ASPH: variants seen among roughly 807,000 people sequenced by gnomAD.
The protein encoded by ASPH is aspartyl/asparaginyl beta-hydroxylase.
A neutral mutation model predicts 118.4 loss-of-function variants in ASPH; 100 were observed. The observed-to-expected ratio is 0.84, with a 90% CI of 0.72 to 1.00. The LOEUF is 1.00. Ranked by LOEUF, ASPH falls within the 50% of genes least tolerant of loss-of-function variation. ASPH has a pLI of 0.00. For synonymous variants in ASPH, 315 were observed against 325.6 expected, an observed-to-expected ratio of 0.97 and a Z score of 0.35; for missense variants, 920 against 919.5, an observed-to-expected ratio of 1.00 and a Z score of -0.01.
intron 1 of ASPH, among the ~76,000 whole-genome samples, chr8:61,691,033 T>C (rs555951427): frequency 6.6e-6 from 1 of 152,248 alleles, no homozygotes; most frequent in Non-Finnish European, 1.5e-5. Flanking sequence ...GGTGTTACTC[T>C]AGTATTATTA....
chr8:61,662,345 A>AAG (rs1817335700), intron 3 of ASPH, among the ~76,000 whole-genome samples: 1 of 152,168 alleles, frequency 6.6e-6, no homozygotes, highest in Admixed American at 6.5e-5. Flanking sequence ...CATTTTTAGT[A>AAG]CTTAATTTTC....
At chr8:61,684,444 T>C (rs759359309) in intron 1 of ASPH, 12 of 332,588 alleles carry the variant, frequency 3.6e-5, no homozygotes, top group Non-Finnish European at 6.0e-5. Flanking sequence ...ATAATATGTA[T>C]ATTCCATCCA....
Position 61,665,583 on chromosome 8 carries a change from G to A in ASPH, c.323-11923C>T, listed in dbSNP as rs759034758. 4 of 1,590,512 alleles carry A rather than the reference G, an allele frequency of 2.5e-6. No individual in the cohort carries two copies. The South Asian group carries it at 4.6e-5, about 18-fold the overall frequency. On this transcript the variant is annotated intron_variant, in intron 3 of 24. Transcript: ENST00000379454. ...TCAGGTTTCTCTTTCTCCTTCTTGAGCTCTTCTTTAGTGAGTTCTTTAACT... is the reference window on the plus strand; with the variant it reads ...TCAGGTTTCTCTTTCTCCTTCTTGAACTCTTCTTTAGTGAGTTCTTTAACT...
chr8:61,601,074 A>G (rs1843827145), intron 14 of ASPH, among the ~76,000 whole-genome samples: 1 of 151,376 alleles, frequency 6.6e-6, no homozygotes, highest in Non-Finnish European at 1.5e-5. Context: ...TCCCCTAGTT[A>G]CAGAACTTTA....
intron 14 of ASPH, among the ~76,000 whole-genome samples, chr8:61,600,300 T>TA (rs879427090): frequency 0.011 from 1,709 of 150,392 alleles, 41 homozygotes; most frequent in African/African-American, 0.04. Flanking sequence ...GCAGAAAGCC[T>TA]TTCCTCTAAG....
intron 14 of ASPH, among the ~76,000 whole-genome samples, chr8:61,586,344 T>G (rs1179467201): frequency 6.6e-6 from 1 of 152,236 alleles, no homozygotes; most frequent in African/African-American, 2.4e-5. Context: ...TCCAAGCACC[T>G]ATTGACACAT....
chr8:61,691,854 C>T (rs1440542289), intron 1 of ASPH, among the ~76,000 whole-genome samples: 1 of 152,134 alleles, frequency 6.6e-6, no homozygotes, highest in Non-Finnish European at 1.5e-5. Context: ...ATAACCTTAC[C>T]CCCAATTTAG....
chr8:61,560,400 T>A (rs1402955727), intron 18 of ASPH, among the ~76,000 whole-genome samples: 1 of 152,246 alleles, frequency 6.6e-6, no homozygotes, highest in Non-Finnish European at 1.5e-5. Flanking sequence ...CAATGATTTT[T>A]ATAAATGTAC....
chr8:61,666,527 T>C (rs1208882448), intron 3 of ASPH, among the ~76,000 whole-genome samples: 1 of 152,176 alleles, frequency 6.6e-6, no homozygotes, highest in East Asian at 1.9e-4. Context: ...TATAATAAAA[T>C]GTGAAAGATG....
At chr8:61,665,405 C>T (rs1433152051) in intron 3 of ASPH, 2 of 1,612,512 alleles carry the variant, frequency 1.2e-6, no homozygotes, top group Admixed American at 3.3e-5. Flanking sequence ...GGTTTTAGCA[C>T]TTTTTTCTAG....
At chr8:61,691,595 A>G (rs1255125207) in intron 1 of ASPH, among the ~76,000 whole-genome samples, 1 of 152,166 alleles carries the variant, frequency 6.6e-6, no homozygotes, top group African/African-American at 2.4e-5. Flanking sequence ...CGATACCCCC[A>G]TGGGTGAGAC....
chr8:61,671,753 C>T (rs972403608), intron 3 of ASPH, among the ~76,000 whole-genome samples: 3 of 152,306 alleles, frequency 2.0e-5, no homozygotes, highest in African/African-American at 4.8e-5. Context: ...GAAATTTATG[C>T]TATTTTGGCA....
At chr8:61,548,689 A>G (rs1171480528) in intron 20 of ASPH, among the ~76,000 whole-genome samples, 1 of 152,224 alleles carries the variant, frequency 6.6e-6, no homozygotes, top group African/African-American at 2.4e-5. Flanking sequence ...CACATTTAAG[A>G]AGGTCACACC....
At chr8:61,663,406 A>C in intron 3 of ASPH, 1 of 985,434 alleles carries the variant, frequency 1.0e-6, no homozygotes, top group Non-Finnish European at 1.2e-6. Flanking sequence ...TTGGTAAACT[A>C]GAGACTGGTC....
intron 21 of ASPH, among the ~76,000 whole-genome samples, chr8:61,539,448 C>A (rs887383062): frequency 6.6e-6 from 1 of 151,936 alleles, no homozygotes; most frequent in African/African-American, 2.4e-5. Flanking sequence ...GGAAAGCACA[C>A]CTGGATGAGG....
chr8:61,648,208 T>C (rs1480553320), intron 5 of ASPH, among the ~76,000 whole-genome samples: 1 of 152,200 alleles, frequency 6.6e-6, no homozygotes, highest in Non-Finnish European at 1.5e-5. Context: ...GCCCTAAGTA[T>C]TTAGGTGTCA....
In ASPH at chr8:61,501,337, A is replaced by C. The variant is rs1049612541; in HGVS notation, c.*2022T>G. ...GACAACACTTTGCAACAGTAATACC[A>C]TTTCTAGCTTTTCAATTGGCAATAC... is the stretch of plus-strand genomic sequence containing the variant. On this transcript the variant is annotated 3_prime_UTR_variant, in exon 25 of 25. Transcript: ENST00000379454. 17 of 152,172 alleles carry C rather than the reference A, an allele frequency of 1.1e-4. No homozygotes were observed. Among genetic ancestry groups the C allele is most frequent in the African/African-American group, 3.9e-4 (16 of 41,462 alleles). 9.4% of individuals were successfully genotyped at this position (152,172 alleles called of 1,614,324 possible).
At chr8:61,647,797 A>C (rs374209124) in intron 5 of ASPH, among the ~76,000 whole-genome samples, 1 of 152,382 alleles carries the variant, frequency 6.6e-6, no homozygotes, top group East Asian at 1.9e-4. Context: ...AGTTATGCAA[A>C]GATGCCCACT....
chr8:61,533,812 G>A (rs998322470), intron 21 of ASPH, among the ~76,000 whole-genome samples: 2 of 152,092 alleles, frequency 1.3e-5, no homozygotes, highest in East Asian at 1.9e-4. Flanking sequence ...AAAATTACAC[G>A]CTGACACTGT....
Sources: gnomAD v4.1 joint callset for allele counts (sites outside exome capture counted in the v4.1 genomes callset) on GRCh38, gnomAD v4.1.1 for gene constraint, MANE v1.5 for transcripts, NCBI Gene and HGNC (gene_info 2026-07-23, HGNC 2026-07-21) for gene names.